The following MBNL1 variants were observed in gnomAD, a reference collection of about 807,000 sequenced individuals.
MBNL1 encodes muscleblind-like protein 1.
A neutral mutation model predicts 42.2 loss-of-function variants in MBNL1; 8 were observed. That is an observed-to-expected ratio of 0.19 (90% confidence interval 0.11 to 0.34). The LOEUF (loss-of-function observed/expected upper bound fraction) is 0.34, where lower values mean the gene tolerates loss of function less well. Among genes scored for constraint, MBNL1 ranks in the 10% least tolerant of loss-of-function variants. The probability of loss-of-function intolerance (pLI) is 1.00; values close to 1 mark genes in which losing one functional copy is unlikely to be tolerated. For synonymous variants in MBNL1, 169 were observed against 173.9 expected (o/e 0.97, Z 0.22); for missense variants, 309 against 495.3 (o/e 0.62, Z 3.57).
chr3:152,383,550 G>T (rs536446046), intron 2 of MBNL1, among the ~76,000 whole-genome samples: 1 of 152,148 alleles, frequency 6.6e-6, no homozygotes, highest in Non-Finnish European at 1.5e-5. Flanking sequence ...AGATGAGCTG[G>T]TGTAAAGGAG....
intron 1 of MBNL1, among the ~76,000 whole-genome samples, chr3:152,283,072 G>A (rs2049418693): frequency 6.6e-6 from 1 of 152,166 alleles, no homozygotes; most frequent in East Asian, 1.9e-4. Flanking sequence ...AGATTCACAT[G>A]GAAGGTCAAA....
chr3:152,375,175 C>T (rs987363272), intron 2 of MBNL1, among the ~76,000 whole-genome samples: 28 of 152,004 alleles, frequency 1.8e-4, no homozygotes, highest in Admixed American at 1.4e-3. Flanking sequence ...TTTTGAGAAT[C>T]GTTGTATTCT....
intron 2 of MBNL1, among the ~76,000 whole-genome samples, chr3:152,354,303 A>G (rs2095341109): frequency 6.6e-6 from 1 of 152,302 alleles, no homozygotes; most frequent in East Asian, 1.9e-4. Context: ...AATAATAATA[A>G]TAATAACTGA....
At chr3:152,461,786 G>A (rs4365603) in intron 9 of MBNL1, among the ~76,000 whole-genome samples, 29,894 of 152,052 alleles carry the variant, frequency 0.2, 3,198 homozygotes, top group South Asian at 0.28. Context: ...ACATTGTAAT[G>A]TCTATTACAG....
At chr3:152,352,584 CTGT>C (rs753713711) in intron 2 of MBNL1, among the ~76,000 whole-genome samples, 3 of 151,496 alleles carry the variant, frequency 2.0e-5, no homozygotes, top group Admixed American at 1.3e-4. Context: ...TTTTTTTTTG[CTGT>C]TGTTGTTTTT....
chr3:152,434,255 C>G (rs2099048596), intron 4 of MBNL1, among the ~76,000 whole-genome samples: 1 of 152,170 alleles, frequency 6.6e-6, no homozygotes, highest in Non-Finnish European at 1.5e-5. Context: ...TCTTTGTGTC[C>G]ATGAGGTCTC....
intron 9 of MBNL1, among the ~76,000 whole-genome samples, chr3:152,460,623 CAA>C (rs1056514938): frequency 2.2e-5 from 3 of 136,038 alleles, no homozygotes; most frequent in Admixed American, 7.3e-5. Context: ...AAAAAAAAAA[CAA>C]AAAAAAAAAC....
At chr3:152,455,668 T>C (rs1386183306) in intron 7 of MBNL1, 91 bp downstream of exon 7, 3 of 1,141,700 alleles carry the variant, frequency 2.6e-6, no homozygotes, top group South Asian at 2.5e-5. Flanking sequence ...CTTATATCTA[T>C]TGGGCAAGTC....
chr3:152,285,849 C>T (rs1014780561), intron 1 of MBNL1, among the ~76,000 whole-genome samples: 3 of 151,430 alleles, frequency 2.0e-5, no homozygotes, highest in East Asian at 3.9e-4. Flanking sequence ...GTCTCGAACT[C>T]TTGGGCTCAA....
intron 2 of MBNL1, among the ~76,000 whole-genome samples, chr3:152,246,116 A>T (rs1272128887): frequency 6.6e-6 from 1 of 152,186 alleles, no homozygotes. Flanking sequence ...CCTTAAAAAT[A>T]AACACAACTA....
chr3:152,273,248 C>G (rs1405314444), intron 1 of MBNL1, among the ~76,000 whole-genome samples: 1 of 152,202 alleles, frequency 6.6e-6, no homozygotes, highest in African/African-American at 2.4e-5. Context: ...ATGGCATTAA[C>G]TGTCTCTAGA....
intron 2 of MBNL1, among the ~76,000 whole-genome samples, chr3:152,314,331 G>A (rs2152170867): frequency 6.6e-6 from 1 of 150,952 alleles, no homozygotes; most frequent in East Asian, 1.9e-4. Context: ...AGAATCGATA[G>A]GGATCCAATT....
intron 2 of MBNL1, among the ~76,000 whole-genome samples, chr3:152,397,221 A>G (rs1042954362): frequency 6.6e-6 from 1 of 152,128 alleles, no homozygotes; most frequent in Admixed American, 6.5e-5. Context: ...TATTATTATT[A>G]TTATACTTTA....
At position 152,320,442 on chromosome 3, in the gene MBNL1, G is replaced by A. The variant is rs548212594; in HGVS notation, c.174+20075G>A. Among the ~76,000 whole-genome samples, 6 of 152,238 alleles carry A rather than the reference G, an allele frequency of 3.9e-5. No individual in the cohort carries two copies. The East Asian group carries it at 9.6e-4, about 24-fold the overall frequency. On this transcript the variant is annotated intron_variant, in intron 2 of 9. Transcript: ENST00000324210. ...ATGTTATCTTGTGCAGGCAGCACAT[G>A]GGGACCTAGTCAGGCTTCCTGATAT...
At chr3:152,390,906 T>A (rs2097689448) in intron 2 of MBNL1, among the ~76,000 whole-genome samples, 1 of 152,126 alleles carries the variant, frequency 6.6e-6, no homozygotes, top group Non-Finnish European at 1.5e-5. Flanking sequence ...CCAAAAACCT[T>A]TGAAGTGCAG....
At chr3:152,360,125 A>G (rs2153109279) in intron 2 of MBNL1, among the ~76,000 whole-genome samples, 1 of 152,232 alleles carries the variant, frequency 6.6e-6, no homozygotes, top group South Asian at 2.1e-4. Context: ...AATTTGTGAT[A>G]TCCTTGTTCT....
intron 2 of MBNL1, among the ~76,000 whole-genome samples, chr3:152,372,264 A>T (rs1578915776): frequency 6.6e-6 from 1 of 152,062 alleles, no homozygotes; most frequent in African/African-American, 2.4e-5. Context: ...TTTAGCTCGG[A>T]GGAGTTACCC....
intron 2 of MBNL1, among the ~76,000 whole-genome samples, chr3:152,258,640 A>G (rs2035791776): frequency 6.6e-6 from 1 of 152,228 alleles, no homozygotes; most frequent in South Asian, 2.1e-4. Context: ...CCCATGTGTC[A>G]TACTTGGTAT....
intron 1 of MBNL1, among the ~76,000 whole-genome samples, chr3:152,282,699 A>G (rs946152718): frequency 6.6e-6 from 1 of 152,162 alleles, no homozygotes; most frequent in African/African-American, 2.4e-5. Flanking sequence ...GTAAATATTT[A>G]TTTTACAGCA....
Sources: gnomAD v4.1 joint callset for allele counts (sites outside exome capture counted in the v4.1 genomes callset) on GRCh38, gnomAD v4.1.1 for gene constraint, MANE v1.5 for transcripts, NCBI Gene and HGNC (gene_info 2026-07-23, HGNC 2026-07-21) for gene names.